MYRIP: variants seen among roughly 807,000 people sequenced by gnomAD.
MYRIP encodes rab effector MyRIP.
MYRIP carries 49 observed loss-of-function variants against 98.0 expected under a neutral mutation model. The ratio of observed to expected loss-of-function variants is 0.50; its 90% CI spans 0.40 to 0.63. MYRIP has a LOEUF of 0.63. Ranked by LOEUF, MYRIP falls within the 30% of genes least tolerant of loss-of-function variation. The pLI is 0.00. For missense variants in MYRIP, 1,004 were observed against 1,058.2 expected, an observed-to-expected ratio of 0.95 and a Z score of 0.71; for synonymous variants, 404 against 409.5, an observed-to-expected ratio of 0.99 and a Z score of 0.16.
chr3:40,160,782 C>A (rs1024185119), intron 4 of MYRIP, among the ~76,000 whole-genome samples: 1 of 152,100 alleles, frequency 6.6e-6, no homozygotes, highest in Admixed American at 6.5e-5. Flanking sequence ...CCAGGTGCCA[C>A]CCCTTTCTTT....
intron 16 of MYRIP, among the ~76,000 whole-genome samples, chr3:40,255,134 A>G (rs1486266373): frequency 1.3e-5 from 2 of 152,236 alleles, no homozygotes; most frequent in African/African-American, 4.8e-5. Context: ...GCTTCTGACC[A>G]TTAGTTCACA....
chr3:40,252,096 C>T, intron 16 of MYRIP, 97 bp downstream of exon 16: 1 of 910,626 alleles, frequency 1.1e-6, no homozygotes. Context: ...TCAGAACCCC[C>T]AAAAAGTATC....
chr3:40,222,715 TC>T (rs1952373100), intron 11 of MYRIP, among the ~76,000 whole-genome samples: 1 of 152,092 alleles, frequency 6.6e-6, no homozygotes, highest in African/African-American at 2.4e-5. Context: ...ATATTGGAAT[TC>T]CCAGGCAGCA....
chr3:40,198,487 A>T (rs1233294375), intron 10 of MYRIP, among the ~76,000 whole-genome samples: 1 of 152,202 alleles, frequency 6.6e-6, no homozygotes, highest in Non-Finnish European at 1.5e-5. Flanking sequence ...AAATTTCGCC[A>T]TTCATTTACT....
At chr3:40,118,747 C>T (rs1304900265) in intron 3 of MYRIP, among the ~76,000 whole-genome samples, 1 of 151,780 alleles carries the variant, frequency 6.6e-6, no homozygotes, top group African/African-American at 2.4e-5. Context: ...TGCTATCCCT[C>T]CCCCCTCCTC....
chr3:40,055,782 A>G (rs1013798208), intron 3 of MYRIP, among the ~76,000 whole-genome samples: 7 of 152,190 alleles, frequency 4.6e-5, no homozygotes. Context: ...TAAGGAACAT[A>G]GCTCCTCTAC....
At chr3:40,140,756 A>G (rs1398585606) in intron 3 of MYRIP, among the ~76,000 whole-genome samples, 2 of 151,952 alleles carry the variant, frequency 1.3e-5, no homozygotes, top group Non-Finnish European at 2.9e-5. Context: ...CCATGTGTGT[A>G]TGTCTTTTTT....
At chr3:39,998,676 A>G (rs1245345585) in intron 2 of MYRIP, among the ~76,000 whole-genome samples, 4 of 152,124 alleles carry the variant, frequency 2.6e-5, no homozygotes, top group South Asian at 2.1e-4. Flanking sequence ...TGGAAAAACT[A>G]CTTTAAAGTT....
At chr3:39,995,036 G>A (rs1165718776) in intron 2 of MYRIP, among the ~76,000 whole-genome samples, 2 of 152,138 alleles carry the variant, frequency 1.3e-5, no homozygotes, top group African/African-American at 4.8e-5. Flanking sequence ...AACCCCATCT[G>A]TAAGTCACCA....
intron 1 of MYRIP, among the ~76,000 whole-genome samples, chr3:39,843,680 T>C (rs1241374180): frequency 6.6e-6 from 1 of 152,194 alleles, no homozygotes; most frequent in Non-Finnish European, 1.5e-5. Flanking sequence ...TGGATAACAG[T>C]GCAAACAGGA....
At chr3:39,822,649 T>C (rs1031046567) in intron 1 of MYRIP, among the ~76,000 whole-genome samples, 1 of 152,224 alleles carries the variant, frequency 6.6e-6, no homozygotes. Context: ...TACTCTCATC[T>C]AGCTGTAATT....
At chr3:39,890,332 C>G (rs1215290062) in intron 1 of MYRIP, among the ~76,000 whole-genome samples, 1 of 152,030 alleles carries the variant, frequency 6.6e-6, no homozygotes, top group Non-Finnish European at 1.5e-5. Context: ...TTCCCCAAAT[C>G]CTACCATGTC....
chr3:40,071,064 CT>C (rs1240817598), intron 3 of MYRIP: 19 of 893,538 alleles, frequency 2.1e-5, no homozygotes, highest in Non-Finnish European at 2.4e-5. Flanking sequence ...ATGCATTTGC[CT>C]TTTGACATAA....
At chr3:40,180,212 T>G (rs1192131405) in intron 8 of MYRIP, among the ~76,000 whole-genome samples, 1 of 152,168 alleles carries the variant, frequency 6.6e-6, no homozygotes, top group Non-Finnish European at 1.5e-5. Context: ...AGGATGTAAG[T>G]GTAGATGACA....
chr3:40,186,873 C>A (rs1951048861), intron 9 of MYRIP, among the ~76,000 whole-genome samples: 1 of 152,164 alleles, frequency 6.6e-6, no homozygotes. Context: ...CCAGACACAG[C>A]ATTAGGAGAA....
chr3:40,229,743 G>A (rs1002829021), intron 11 of MYRIP, among the ~76,000 whole-genome samples: 3 of 152,150 alleles, frequency 2.0e-5, no homozygotes, highest in African/African-American at 4.8e-5. Context: ...TGACCTTGTA[G>A]ATTTGGTGTT....
chr3:40,150,993 G>C (rs1950106224), intron 3 of MYRIP, 55 bp from the exon 4 acceptor site: 1 of 1,446,074 alleles, frequency 6.9e-7, no homozygotes, highest in Admixed American at 2.3e-5. Flanking sequence ...CAGCAGTTTT[G>C]CAATTCACCA....
intron 1 of MYRIP, among the ~76,000 whole-genome samples, chr3:39,849,324 A>G (rs951620429): frequency 1.7e-4 from 26 of 152,244 alleles, no homozygotes; most frequent in African/African-American, 6.3e-4. Context: ...GGATACAAAT[A>G]GATAAAGCCA....
intron 3 of MYRIP, among the ~76,000 whole-genome samples, chr3:40,150,595 A>T (rs767731511): frequency 2.6e-5 from 4 of 152,256 alleles, no homozygotes; most frequent in Non-Finnish European, 5.9e-5. Context: ...CTGAAACTTC[A>T]TGGTTTAAAA....
Sources: allele counts gnomAD v4.1 joint callset (sites outside exome capture counted in the v4.1 genomes callset), GRCh38; gene constraint gnomAD v4.1.1; transcripts MANE v1.5; gene names NCBI Gene and HGNC (gene_info 2026-07-23, HGNC 2026-07-21).